PTPRN2: variants seen among roughly 807,000 people sequenced by gnomAD.
PTPRN2 encodes protein tyrosine phosphatase receptor type N2.
PTPRN2 carries 74 observed loss-of-function variants against 118.8 expected under a neutral mutation model. The observed-to-expected ratio is 0.62, with a 90% CI of 0.52 to 0.76. The LOEUF (loss-of-function observed/expected upper bound fraction) is 0.76, where lower values mean the gene tolerates loss of function less well. Among genes scored for constraint, PTPRN2 ranks in the 30% least tolerant of loss-of-function variants. The probability of loss-of-function intolerance (pLI) is 0.00; values close to 1 mark genes in which losing one functional copy is unlikely to be tolerated. For synonymous variants in PTPRN2, 641 were observed against 608.0 expected (o/e 1.05, Z -0.80); for missense variants, 1,481 against 1,394.4 (o/e 1.06, Z -0.99).
rs575914881 is a variant in PTPRN2, at chr7:157,674,729, C to T, written c.2001+7996G>A. Among the ~76,000 whole-genome samples, 10 of 152,358 alleles carry T rather than the reference C, an allele frequency of 6.6e-5. No homozygotes were observed. Among genetic ancestry groups the T allele is most frequent in the Admixed American group, 5.2e-4 (8 of 15,314 alleles). ...CCCTCGGCCCCAAGGTGAGGCCCCG[C>T]GCAGGTACCTCTGTACACGCCTGTG... On this transcript the variant is annotated intron_variant, in intron 13 of 22. Transcript: ENST00000389418. The surrounding 1 kb of genome is among the most constrained non-coding windows in gnomAD (Gnocchi z 4.5).
chr7:158,082,889 C>A (rs776291244), intron 10 of PTPRN2, among the ~76,000 whole-genome samples: 11 of 152,204 alleles, frequency 7.2e-5, no homozygotes, highest in Non-Finnish European at 1.5e-4. Flanking sequence ...CTGGTGTCTT[C>A]TCGAGCCCAG....
chr7:158,011,594 A>G (rs1406209625), intron 11 of PTPRN2, among the ~76,000 whole-genome samples: 1 of 152,230 alleles, frequency 6.6e-6, no homozygotes, highest in Non-Finnish European at 1.5e-5. Context: ...CTATAAGCAA[A>G]GGAAGATATA....
intron 1 of PTPRN2, among the ~76,000 whole-genome samples, chr7:158,552,273 G>A (rs1291112184): frequency 6.7e-6 from 1 of 149,568 alleles, no homozygotes; most frequent in Non-Finnish European, 1.5e-5. Context: ...GGTCTCTAAT[G>A]CATGCATTTG....
intron 3 of PTPRN2, among the ~76,000 whole-genome samples, chr7:158,253,019 G>A (rs1796784907): frequency 6.6e-6 from 1 of 152,220 alleles, no homozygotes; most frequent in Non-Finnish European, 1.5e-5. Context: ...AGGCTGGCAT[G>A]CGGAGGGTGT....
Position 158,338,099 on chromosome 7 carries a change from T to A in PTPRN2, c.164-21167A>T, listed in dbSNP as rs367698272. 5.8e-4 allele frequency among the ~76,000 whole-genome samples: 2 copies of A among 3,444 alleles called. 1 individual carries two copies. Among genetic ancestry groups the A allele is most frequent in the Non-Finnish European group, 2.0e-3 (2 of 990 alleles). 2.3% of individuals were successfully genotyped at this position (3,444 alleles called of 152,430 possible). A position where few individuals can be genotyped will look rare whatever the true frequency, so the allele number is the denominator to read the frequency against. On this transcript the variant is annotated intron_variant, in intron 2 of 22. Coordinates refer to ENST00000389418, the MANE Select transcript of PTPRN2 (RefSeq NM_002847.5). ...CCCACACTCTCACCATAAGAGGTGATGCCCGCAGACATCACTCACACCCAC... is the reference window on the plus strand; with the variant it reads ...CCCACACTCTCACCATAAGAGGTGAAGCCCGCAGACATCACTCACACCCAC...
chr7:158,380,768 T>C (rs1386900213), intron 2 of PTPRN2, among the ~76,000 whole-genome samples: 1 of 152,244 alleles, frequency 6.6e-6, no homozygotes, highest in Non-Finnish European at 1.5e-5. Flanking sequence ...AGGTTCTCCA[T>C]GAGGGCCCCA....
intron 11 of PTPRN2, among the ~76,000 whole-genome samples, chr7:157,993,261 G>A (rs1291629724): frequency 6.6e-6 from 1 of 151,786 alleles, no homozygotes; most frequent in Non-Finnish European, 1.5e-5. Context: ...ACCTGTCCGT[G>A]TTCACATTAA....
intron 2 of PTPRN2, among the ~76,000 whole-genome samples, chr7:158,487,812 T>A (rs1336015933): frequency 6.6e-6 from 1 of 152,172 alleles, no homozygotes; most frequent in Non-Finnish European, 1.5e-5. Flanking sequence ...AGCGCAGTTT[T>A]CTAAGACTGG....
chr7:158,149,761 G>A (rs1322937302), intron 6 of PTPRN2, among the ~76,000 whole-genome samples: 1 of 149,766 alleles, frequency 6.7e-6, no homozygotes, highest in East Asian at 2.0e-4. Context: ...CTGAGATTGT[G>A]CCATTGCACT....
intron 2 of PTPRN2, among the ~76,000 whole-genome samples, chr7:158,379,943 T>TG (rs1586520416): frequency 6.6e-6 from 1 of 152,132 alleles, no homozygotes; most frequent in Non-Finnish European, 1.5e-5. Context: ...AGAGCTTGTA[T>TG]GGGGAAACTC....
At chr7:157,613,967 ACT>A (rs921827376) in intron 15 of PTPRN2, 12 of 467,984 alleles carry the variant, frequency 2.6e-5, no homozygotes, top group African/African-American at 1.8e-4. Context: ...CACAACTGTG[ACT>A]CTGTGAGCTC....
At chr7:158,177,246 G>A (rs1824292975) in intron 5 of PTPRN2, among the ~76,000 whole-genome samples, 1 of 152,084 alleles carries the variant, frequency 6.6e-6, no homozygotes, top group African/African-American at 2.4e-5. Context: ...TCAAGAGTTG[G>A]TTTTATGGAT....
intron 11 of PTPRN2, among the ~76,000 whole-genome samples, chr7:157,943,611 C>T (rs76669061): frequency 0.01 from 1,592 of 151,956 alleles, 41 homozygotes; most frequent in African/African-American, 0.037. Context: ...CTGAGTCCTC[C>T]ACAAATGCTG....
chr7:157,781,294 G>T (rs1315234949), intron 12 of PTPRN2, among the ~76,000 whole-genome samples: 2 of 152,124 alleles, frequency 1.3e-5, no homozygotes, highest in Non-Finnish European at 2.9e-5. Context: ...CTACATTACC[G>T]CCTGGACATG....
intron 14 of PTPRN2, among the ~76,000 whole-genome samples, chr7:157,639,403 AGCACAGT>A (rs886115785): frequency 6.6e-6 from 1 of 152,216 alleles, no homozygotes; most frequent in African/African-American, 2.4e-5. Flanking sequence ...TGTGAGATGA[AGCACAGT>A]GCGGCCTCTG....
chr7:157,759,157 C>T (rs28572389), intron 12 of PTPRN2, among the ~76,000 whole-genome samples: 1 of 152,256 alleles, frequency 6.6e-6, no homozygotes, highest in African/African-American at 2.4e-5. Context: ...GCCGCTCCCC[C>T]CTTCCCTCTC....
chr7:158,503,420 T>A (rs781703415), intron 1 of PTPRN2, among the ~76,000 whole-genome samples: 15 of 152,000 alleles, frequency 9.9e-5, no homozygotes, highest in Non-Finnish European at 7.4e-5. Flanking sequence ...CTGAAACAAG[T>A]AGGAAAAAAG....
intron 1 of PTPRN2, among the ~76,000 whole-genome samples, chr7:158,523,543 A>ATGGAGTTGTCTGCCCTGGAG (rs1563392816): frequency 4.5e-4 from 16 of 35,600 alleles, no homozygotes; most frequent in Admixed American, 1.0e-3. Context: ...CTGCCCTGGA[A>ATGGAGTTGTCTGCCCTGGAG]TGGAGTCCTC....
rs547442082 is a variant in PTPRN2 at position 158,470,919 on chromosome 7, TG to T, written c.163+18815del. Among the ~76,000 whole-genome samples the T allele has an allele frequency of 2.0e-4, 30 of 152,088 alleles. No individual in the cohort carries two copies. In the South Asian group the frequency reaches 5.0e-3, roughly 25 times the overall value. On this transcript the variant is annotated intron_variant, in intron 2 of 22. Transcript: ENST00000389418. ...TGAGATCTCAGCTCACTGCAAACTC[TG>T]CCTCCAAGGTTCAAGCGATTCTCCT...
Sources: gnomAD v4.1 joint callset for allele counts (sites outside exome capture counted in the v4.1 genomes callset) on GRCh38, gnomAD v4.1.1 for gene constraint, Gnocchi (gnomAD v3.1) non-coding constraint, MANE v1.5 for transcripts, NCBI Gene and HGNC (gene_info 2026-07-23, HGNC 2026-07-21) for gene names.